The following MAPRE2 variants were observed in gnomAD, a reference collection of about 807,000 sequenced individuals.
MAPRE2 encodes the protein microtubule-associated protein RP/EB family member 2.
Under a neutral mutation model 43.2 loss-of-function variants are expected in MAPRE2, and 13 were observed. The ratio of observed to expected loss-of-function variants is 0.30; its 90% CI spans 0.20 to 0.48. The LOEUF (loss-of-function observed/expected upper bound fraction) is 0.48. Ranked by LOEUF, MAPRE2 falls within the 20% of genes least tolerant of loss-of-function variation. MAPRE2 has a pLI of 0.99. For synonymous variants in MAPRE2, 135 were observed against 148.8 expected, an observed-to-expected ratio of 0.91 and a Z score of 0.68; for missense variants, 161 against 400.2, an observed-to-expected ratio of 0.40 and a Z score of 5.10.
In MAPRE2 at chr18:34,981,372, G is replaced by C. The variant is rs1262022704; in HGVS notation, c.-70+4293G>C. Among the ~76,000 whole-genome samples the C allele has an allele frequency of 2.0e-5, 3 of 149,696 alleles. No homozygotes were observed. The East Asian group carries it at 5.8e-4, about 29-fold the overall frequency. Reference sequence around the variant, plus strand: ...CAGCCTGGGGGACAGAGAGGGAGATGCCATCTTAAAAAAAAAAAAAGACTA... The same window carrying C: ...CAGCCTGGGGGACAGAGAGGGAGATCCCATCTTAAAAAAAAAAAAAGACTA... On this transcript the variant is annotated intron_variant, in intron 1 of 7. Transcript: ENST00000413393.
intron 4 of MAPRE2, among the ~76,000 whole-genome samples, chr18:35,107,195 T>G (rs1444471450): frequency 6.6e-6 from 1 of 152,140 alleles, no homozygotes; most frequent in Non-Finnish European, 1.5e-5. Context: ...AAAATCAGAT[T>G]AATAGGAATG....
intron 6 of MAPRE2, among the ~76,000 whole-genome samples, chr18:35,139,689 T>C (rs1211841377): frequency 1.3e-5 from 2 of 152,238 alleles, no homozygotes; most frequent in Admixed American, 6.5e-5. Context: ...GAAATGTGGC[T>C]GCTGTCCTTT....
chr18:35,094,477 A>T (rs144941228), intron 2 of MAPRE2, among the ~76,000 whole-genome samples: 1 of 152,198 alleles, frequency 6.6e-6, no homozygotes, highest in African/African-American at 2.4e-5. Context: ...AAATCTAGAA[A>T]GAGATCTAAG....
At chr18:35,087,846 T>C (rs1025597911) in intron 2 of MAPRE2, among the ~76,000 whole-genome samples, 1 of 152,222 alleles carries the variant, frequency 6.6e-6, no homozygotes, top group Admixed American at 6.5e-5. Flanking sequence ...TGAACAGTTA[T>C]TTATTGTCTT....
chr18:34,997,407 A>C (rs1372013888), intron 1 of MAPRE2, among the ~76,000 whole-genome samples: 1 of 152,180 alleles, frequency 6.6e-6, no homozygotes, highest in African/African-American at 2.4e-5. Flanking sequence ...GCACAATTAG[A>C]GCTCTGACTC....
At chr18:35,083,983 G>T (rs898206679) in intron 2 of MAPRE2, among the ~76,000 whole-genome samples, 7 of 152,148 alleles carry the variant, frequency 4.6e-5, no homozygotes, top group African/African-American at 1.7e-4. Flanking sequence ...AAATCAATTT[G>T]TTACAGTAAT....
intron 5 of MAPRE2, among the ~76,000 whole-genome samples, chr18:35,129,675 G>A (rs553976144): frequency 9.1e-4 from 138 of 152,326 alleles, no homozygotes; most frequent in Non-Finnish European, 1.1e-3. Context: ...CGCGGGTGGG[G>A]CCACGGATGG....
chr18:35,105,281 A>G (rs1908851866), intron 4 of MAPRE2, among the ~76,000 whole-genome samples: 1 of 152,162 alleles, frequency 6.6e-6, no homozygotes, highest in South Asian at 2.1e-4. Flanking sequence ...ATTTCCTGAG[A>G]CCATGTTCCT....
intron 1 of MAPRE2, among the ~76,000 whole-genome samples, chr18:35,069,554 G>T (rs1442282218): frequency 6.6e-6 from 1 of 152,074 alleles, no homozygotes; most frequent in Non-Finnish European, 1.5e-5. Flanking sequence ...GATAATTCTT[G>T]AATCCAAGGG....
At chr18:35,035,355 A>C (rs2097050010) in intron 2 of MAPRE2, among the ~76,000 whole-genome samples, 2 of 146,378 alleles carry the variant, frequency 1.4e-5, no homozygotes, top group African/African-American at 2.5e-5. Context: ...CACTCTGGGG[A>C]CGGTTGTGGG....
At chr18:35,084,895 T>C (rs1907798662) in intron 2 of MAPRE2, among the ~76,000 whole-genome samples, 1 of 152,178 alleles carries the variant, frequency 6.6e-6, no homozygotes. Flanking sequence ...ATTTTGGCAT[T>C]TGTGGCTCGG....
At chr18:35,038,803 CT>C (rs1227947423), upstream of MAPRE2, among the ~76,000 whole-genome samples, 1 of 152,198 alleles carries the variant, frequency 6.6e-6, no homozygotes. Flanking sequence ...ATTATTACCC[CT>C]GTTACCCCTG....
In MAPRE2 at chr18:35,132,036, A is replaced by G. The variant is rs150519996; in HGVS notation, c.755A>G (p.His252Arg). 2 of 1,613,946 alleles carry G rather than the reference A, an allele frequency of 1.2e-6. No homozygotes were observed. The highest frequency in any genetic ancestry group is 8.5e-7 in the Non-Finnish European group (1 of 1,180,018). ...TQVIQLNEQV[H>R]SLKLALEGVE... ...TTCACTCTCACTCCCTTGCAGGTAC[A>G]TTCATTAAAACTTGCCCTTGAAGGC... The change falls in exon 6 of 7, where the codon CAT becomes CGT. Residue 252 changes from histidine to arginine, a missense_variant. This residue lies in a region of MAPRE2 where 96 missense variants were observed against 153.3 expected (regional missense o/e 0.63). Coordinates refer to ENST00000300249, the MANE Select transcript of MAPRE2 (RefSeq NM_014268.4).
In MAPRE2 at chr18:34,997,590, C is replaced by T. The variant is rs1019188779; in HGVS notation, c.-69-7902C>T. ...CAGCACTTTGGGAGGCTGAGGCGGG[C>T]GGATCCCCTGAGGTAAAGAGTTCGA... On this transcript the variant is annotated intron_variant, in intron 1 of 7. Coordinates refer to the MAPRE2 transcript ENST00000413393. Among the ~76,000 whole-genome samples, 11 of 152,140 alleles carry T rather than the reference C, an allele frequency of 7.2e-5. No individual in the cohort carries two copies. The East Asian group carries it at 1.4e-3, about 19-fold the overall frequency.
chr18:34,978,531 G>A, intron 1 of MAPRE2: 2 of 1,551,714 alleles, frequency 1.3e-6, no homozygotes, highest in Non-Finnish European at 1.7e-6. Flanking sequence ...AAACAGAACA[G>A]AGATCAAAAG....
chr18:34,990,760 C>T (rs968757680), intron 1 of MAPRE2, among the ~76,000 whole-genome samples: 10 of 152,088 alleles, frequency 6.6e-5, no homozygotes, highest in African/African-American at 2.4e-4. Context: ...GTGACTCATG[C>T]CTATAATCCC....
intron 4 of MAPRE2, among the ~76,000 whole-genome samples, chr18:35,113,298 C>T (rs1436159736): frequency 2.6e-5 from 4 of 152,270 alleles, no homozygotes; most frequent in South Asian, 2.1e-4. Flanking sequence ...CTCCTGGCAG[C>T]GTCTGTAGAA....
At chr18:34,977,839 T>C (rs1046541485) in intron 1 of MAPRE2, among the ~76,000 whole-genome samples, 2 of 152,178 alleles carry the variant, frequency 1.3e-5, no homozygotes, top group African/African-American at 2.4e-5. Context: ...TTAGAAGGGC[T>C]ATGCGGAAGC....
chr18:35,123,060 G>A lies in MAPRE2; in HGVS notation c.611-3888G>A, dbSNP rs1435390300. On this transcript the variant is annotated intron_variant, in intron 4 of 6. Coordinates refer to ENST00000300249, the MANE Select transcript of MAPRE2 (RefSeq NM_014268.4). ...GTGAGCCATGCTGAGCGCCTCCAGC[G>A]GCCGGGGATTCTCCCTGCGTGTCTC... 5.9e-5 allele frequency among the ~76,000 whole-genome samples: 9 copies of A among 152,348 alleles called. No homozygotes were observed. In the South Asian group the frequency reaches 8.3e-4, roughly 14 times the overall value.
Sources: allele counts gnomAD v4.1 joint callset (sites outside exome capture counted in the v4.1 genomes callset), GRCh38; gene constraint gnomAD v4.1.1; regional missense constraint gnomAD v4.1.1; transcripts MANE v1.5; gene names NCBI Gene and HGNC (gene_info 2026-07-23, HGNC 2026-07-21).